Variants in CAP1 observed in about 807,000 individuals in gnomAD.
CAP1 encodes cyclase associated actin cytoskeleton regulatory protein 1.
A neutral mutation model predicts 58.2 loss-of-function variants in CAP1; 11 were observed. The observed-to-expected ratio is 0.19, with a 90% CI of 0.12 to 0.31. The LOEUF is 0.31. Among genes scored for constraint, CAP1 ranks in the 10% least tolerant of loss-of-function variants. CAP1 has a pLI of 1.00. For synonymous variants in CAP1, 183 were observed against 213.8 expected (o/e 0.86, Z 1.26); for missense variants, 423 against 587.5 (o/e 0.72, Z 2.89).
At chr1:40,071,067 C>A in intron 12 of CAP1, 88 bp downstream of exon 12, 1 of 1,266,166 alleles carries the variant, frequency 7.9e-7, no homozygotes, top group Non-Finnish European at 1.1e-6. Flanking sequence ...TATGAACATT[C>A]TGCACTGAGC....
intron 1 of CAP1, among the ~76,000 whole-genome samples, chr1:40,044,491 A>G (rs1172201655): frequency 1.3e-5 from 2 of 152,148 alleles, no homozygotes; most frequent in East Asian, 3.9e-4. Flanking sequence ...CAGTTTCTCT[A>G]TGACAACCAG....
At chr1:40,061,508 A>G (rs1310205418) in intron 3 of CAP1, among the ~76,000 whole-genome samples, 1 of 152,228 alleles carries the variant, frequency 6.6e-6, no homozygotes, top group Admixed American at 6.5e-5. Flanking sequence ...GTGATTATCC[A>G]ATTAACTTCA....
At chr1:40,043,480 G>A (rs1645938515) in intron 1 of CAP1, among the ~76,000 whole-genome samples, 1 of 152,190 alleles carries the variant, frequency 6.6e-6, no homozygotes, top group African/African-American at 2.4e-5. Context: ...ACAGGTGTGA[G>A]CCTCCGCACC....
chr1:40,050,072 G>T (rs1646286552), intron 1 of CAP1, among the ~76,000 whole-genome samples: 1 of 152,060 alleles, frequency 6.6e-6, no homozygotes, highest in Admixed American at 6.5e-5. Flanking sequence ...AGAAGTCTCG[G>T]GTTCTCCATC....
intron 1 of CAP1, among the ~76,000 whole-genome samples, chr1:40,044,866 G>A (rs1049892259): frequency 3.6e-5 from 5 of 139,512 alleles, no homozygotes; most frequent in African/African-American, 1.1e-4. Flanking sequence ...GCACAATCTC[G>A]GCTCACTGCA....
At chr1:40,045,566 G>T (rs1407155802) in intron 1 of CAP1, among the ~76,000 whole-genome samples, 3 of 151,660 alleles carry the variant, frequency 2.0e-5, no homozygotes, top group East Asian at 3.9e-4. Context: ...TTTGTTTTTT[G>T]TTTTTTTGAG....
At chr1:40,061,647 G>C in intron 3 of CAP1, 88 bp from the exon 4 acceptor site, 3 of 1,047,416 alleles carry the variant, frequency 2.9e-6, no homozygotes, top group Non-Finnish European at 4.5e-6. Flanking sequence ...TGCTATCAGA[G>C]TACATGGAAG....
intron 7 of CAP1, 141 bp downstream of exon 7, chr1:40,066,461 G>A: frequency 1.6e-6 from 1 of 624,052 alleles, no homozygotes. Flanking sequence ...AAGAAAAGGA[G>A]GAGAAAGAAA....
In CAP1 at chr1:40,062,578, C is replaced by T. The variant is rs551540884; in HGVS notation, c.294+766C>T. 1.4e-3 allele frequency among the ~76,000 whole-genome samples: 209 copies of T among 151,940 alleles called. 1 individual carries two copies. The highest frequency in any genetic ancestry group is 4.7e-3 in the African/African-American group (196 of 41,424). On this transcript the variant is annotated intron_variant, in intron 4 of 12. Coordinates refer to ENST00000372805, the MANE Select transcript of CAP1 (RefSeq NM_006367.4). ...CAGCCTGGGCAACATAGCAAGACCT[C>T]GTCTCTATTAAAAATTAAAAAAATA...
At chr1:40,071,131 T>G (rs1320549391) in intron 12 of CAP1, 152 bp downstream of exon 12, 2 of 781,264 alleles carry the variant, frequency 2.6e-6, no homozygotes, top group South Asian at 1.8e-5. Flanking sequence ...GGTAGTCCCA[T>G]GTAGTGGAGC....
rs1288384636 is a variant in CAP1 at position 40,072,502 on chromosome 1, G to GACAA, written c.*973_*976dup. 1 of 159,890 alleles carries GACAA rather than the reference G, an allele frequency of 6.3e-6. No homozygotes were observed. Among genetic ancestry groups the GACAA allele is most frequent in the African/African-American group, 2.4e-5 (1 of 41,844 alleles). 9.9% of individuals were successfully genotyped at this position (159,890 alleles called of 1,614,324 possible). ...AAATTTCAGTTGTTTTTCCCTCTAG[G>GACAA]ACAAACACTTACCAAAATATGCAAC... On this transcript the variant is annotated 3_prime_UTR_variant, in exon 13 of 13. Coordinates refer to ENST00000372805, the MANE Select transcript of CAP1 (RefSeq NM_006367.4).
chr1:40,061,735 G>A lies in CAP1; in HGVS notation c.217G>A (p.Ala73Thr), dbSNP rs771719133. 8.7e-6 allele frequency: 14 copies of A among 1,613,476 alleles called. No individual in the cohort carries two copies. Among genetic ancestry groups the A allele is most frequent in the Middle Eastern group, 1.6e-4 (1 of 6,084 alleles). Residue 73 changes from alanine (A) to threonine (T), a missense_variant and splice_region_variant, in exon 4 of 13, where the codon GCG (alanine) becomes ACG (threonine). By Grantham distance (58) the Ala-to-Thr change is moderately conservative (BLOSUM62 0). Coordinates refer to ENST00000372805, the MANE Select transcript of CAP1 (RefSeq NM_006367.4). ...KEIGGDVQKHAEMVHTGLKLE... is the reference protein window; with the variant it reads ...KEIGGDVQKHTEMVHTGLKLE... ...AATAGCTGATTCTTCTTTCTGGCAG[G>A]CGGAGATGGTCCACACAGGTTTGAA... is the stretch of plus-strand genomic sequence containing the variant.
At chr1:40,068,259 A>T (rs1647197932) in intron 8 of CAP1, among the ~76,000 whole-genome samples, 1 of 152,114 alleles carries the variant, frequency 6.6e-6, no homozygotes. Context: ...TGTCCTCTTG[A>T]TGAAATGTTT....
chr1:40,047,482 T>C (rs1646157804), intron 1 of CAP1, among the ~76,000 whole-genome samples: 1 of 152,220 alleles, frequency 6.6e-6, no homozygotes, highest in African/African-American at 2.4e-5. Flanking sequence ...ATTCCTATAC[T>C]TTAGTTAATT....
intron 7 of CAP1, 109 bp from the exon 8 acceptor site, chr1:40,067,431 A>T (rs1222695514): frequency 4.3e-6 from 4 of 919,626 alleles, no homozygotes; most frequent in Non-Finnish European, 6.5e-6. Context: ...TCATTGCCTC[A>T]AAGGCTGTGG....
chr1:40,067,537 C>A lies in CAP1; in HGVS notation c.631-3C>A. On this transcript the variant is annotated splice_polypyrimidine_tract_variant and splice_region_variant and intron_variant, in intron 7 of 12. Transcript: ENST00000372805. ...ATGATGTTACCTGCACTTATTGTTC[C>A]AGGGGCCTGTGGCAAAAGAACTGAG... is the stretch of plus-strand genomic sequence containing the variant. The A allele has an allele frequency of 6.2e-7, 1 of 1,606,634 alleles. No individual in the cohort carries two copies.
chr1:40,071,818 A>C lies in CAP1; in HGVS notation c.*285A>C. On this transcript the variant is annotated 3_prime_UTR_variant, in exon 13 of 13. Coordinates refer to ENST00000372805, the MANE Select transcript of CAP1 (RefSeq NM_006367.4). ...CCGACTAGGACTGATGATGCATTTT[A>C]GCTTTGAGCTTTTGGGGGTTATTCT... 1 of 478,636 alleles carries C rather than the reference A, an allele frequency of 2.1e-6. No homozygotes were observed. The highest frequency in any genetic ancestry group is 3.7e-5 in the Admixed American group (1 of 26,994). 29.6% of individuals were successfully genotyped at this position (478,636 alleles called of 1,614,324 possible).
intron 1 of CAP1, among the ~76,000 whole-genome samples, chr1:40,049,374 T>C (rs35433700): frequency 0.14 from 21,307 of 151,174 alleles, 1,802 homozygotes; most frequent in African/African-American, 0.24. Context: ...CCATGCCTGG[T>C]TAATTTTTGT....
chr1:40,060,123 G>C lies in CAP1; in HGVS notation c.169G>C (p.Glu57Gln), dbSNP rs1446361963. 5 of 1,613,818 alleles carry C rather than the reference G, an allele frequency of 3.1e-6. No homozygotes were observed. The highest frequency in any genetic ancestry group is 4.2e-6 in the Non-Finnish European group (5 of 1,179,810). Residue 57 changes from glutamate (E) to glutamine (Q), a missense_variant, in exon 3 of 13, where the codon GAG becomes CAG. By Grantham distance (29) the Glu-to-Gln change is conservative. Coordinates refer to ENST00000372805, the MANE Select transcript of CAP1 (RefSeq NM_006367.4). Reference sequence around the variant, plus strand: ...CTCGCTGCTTGCTGGTCCTGTGGCAGAGTACTTGAAGATCAGTAAAGAGAT... The same window carrying C: ...CTCGCTGCTTGCTGGTCCTGTGGCACAGTACTTGAAGATCAGTAAAGAGAT... ...FDSLLAGPVA[E>Q]YLKISKEIGG...
Sources: allele counts gnomAD v4.1 joint callset (sites outside exome capture counted in the v4.1 genomes callset), GRCh38; gene constraint gnomAD v4.1.1; transcripts MANE v1.5; gene names NCBI Gene and HGNC (gene_info 2026-07-23, HGNC 2026-07-21).